The following GABRB1 variants were observed in gnomAD, a reference collection of about 807,000 sequenced individuals.
The protein encoded by GABRB1 is gamma-aminobutyric acid receptor subunit beta-1.
GABRB1 carries 17 observed loss-of-function variants against 51.6 expected under a neutral mutation model. The ratio of observed to expected loss-of-function variants is 0.33; its 90% CI spans 0.23 to 0.49. GABRB1 has a LOEUF of 0.49. GABRB1 is among the 20% of genes least tolerant of loss of function. The pLI, the probability that GABRB1 is intolerant of heterozygous loss-of-function variation, is 0.99. For missense variants in GABRB1, 410 were observed against 600.6 expected (o/e 0.68, Z 3.32); for synonymous variants, 247 against 218.9 (o/e 1.13, Z -1.14).
chr4:47,368,018 C>T (rs1054596713), intron 5 of GABRB1, among the ~76,000 whole-genome samples: 2 of 152,158 alleles, frequency 1.3e-5, no homozygotes, highest in African/African-American at 4.8e-5. Context: ...ATAACTAGAA[C>T]CCTAAAGATG....
At chr4:47,211,843 T>C (rs1347723225) in intron 4 of GABRB1, among the ~76,000 whole-genome samples, 6 of 152,182 alleles carry the variant, frequency 3.9e-5, no homozygotes, top group Non-Finnish European at 8.8e-5. Flanking sequence ...ATCATATCAC[T>C]TTTTCTCACC....
chr4:47,031,043 A>T (rs192466429), upstream of GABRB1, among the ~76,000 whole-genome samples: 49 of 152,230 alleles, frequency 3.2e-4, no homozygotes, highest in African/African-American at 9.9e-4. Flanking sequence ...ATGCCTCCCA[A>T]GGGCACCTAA....
At chr4:47,282,065 T>A (rs1479611342) in intron 4 of GABRB1, among the ~76,000 whole-genome samples, 1 of 152,134 alleles carries the variant, frequency 6.6e-6, no homozygotes, top group Non-Finnish European at 1.5e-5. Flanking sequence ...AAAAGATGAA[T>A]TGTTAAAATG....
At chr4:47,069,473 T>C (rs1242391874) in intron 3 of GABRB1, among the ~76,000 whole-genome samples, 1 of 152,244 alleles carries the variant, frequency 6.6e-6, no homozygotes, top group Non-Finnish European at 1.5e-5. Context: ...TTCTGTTACA[T>C]CACTTAAAGT....
rs147776109 is a variant in GABRB1 at position 47,005,214 on chromosome 4, C to A, written c.-20+11288C>A. ...CGGGTGGATCACGAGGTCAGGAAAT[C>A]GAGACCATCCTGGCTAACACGGTGA... On this transcript the variant is annotated intron_variant, in intron 1 of 3. Coordinates refer to the GABRB1 transcript ENST00000513567. Among the ~76,000 whole-genome samples the A allele has an allele frequency of 9.2e-3, 1,395 of 152,258 alleles. 18 individuals are homozygous for A. The highest frequency in any genetic ancestry group is 0.031 in the African/African-American group (1,295 of 41,536).
intron 4 of GABRB1, among the ~76,000 whole-genome samples, chr4:47,257,533 C>G (rs993086839): frequency 6.6e-6 from 1 of 151,940 alleles, no homozygotes; most frequent in African/African-American, 2.4e-5. Flanking sequence ...GCTCCTAGAG[C>G]CTGCTGTGTG....
chr4:47,398,884 G>A (rs1198133393), intron 5 of GABRB1, among the ~76,000 whole-genome samples: 9 of 150,480 alleles, frequency 6.0e-5, no homozygotes, highest in Non-Finnish European at 1.0e-4. Flanking sequence ...TCCGCCTCCC[G>A]GGTTCACGCC....
chr4:47,225,661 T>C (rs762119752), intron 4 of GABRB1, among the ~76,000 whole-genome samples: 1 of 152,156 alleles, frequency 6.6e-6, no homozygotes, highest in Non-Finnish European at 1.5e-5. Flanking sequence ...AAACACAGTA[T>C]AAGTGAAGTG....
chr4:47,336,148 G>A (rs1035499945), intron 5 of GABRB1, among the ~76,000 whole-genome samples: 37 of 152,286 alleles, frequency 2.4e-4, no homozygotes, highest in African/African-American at 8.9e-4. Context: ...TCATCAATTA[G>A]ACATTTAAGT....
chr4:47,082,479 A>T (rs992653536), intron 3 of GABRB1, among the ~76,000 whole-genome samples: 1 of 152,102 alleles, frequency 6.6e-6, no homozygotes. Context: ...GTATTGAAGT[A>T]TATTTTAAAA....
chr4:47,362,810 T>C (rs1046839474), intron 5 of GABRB1, among the ~76,000 whole-genome samples: 2 of 152,178 alleles, frequency 1.3e-5, no homozygotes, highest in Admixed American at 6.6e-5. Context: ...ACACACTGCA[T>C]ATCAGCTATT....
At chr4:47,345,236 C>T (rs1726047694) in intron 5 of GABRB1, among the ~76,000 whole-genome samples, 1 of 152,152 alleles carries the variant, frequency 6.6e-6, no homozygotes, top group African/African-American at 2.4e-5. Flanking sequence ...TACTTATAGG[C>T]TGGGTGGGCC....
At chr4:47,326,729 C>G (rs1238999733) in intron 5 of GABRB1, among the ~76,000 whole-genome samples, 4 of 152,128 alleles carry the variant, frequency 2.6e-5, no homozygotes, top group African/African-American at 9.7e-5. Context: ...TGAGCCCTCA[C>G]CAGACACTAA....
intron 1 of GABRB1, among the ~76,000 whole-genome samples, chr4:47,006,230 T>G (rs1005401971): frequency 6.6e-6 from 1 of 152,110 alleles, no homozygotes; most frequent in African/African-American, 2.4e-5. Flanking sequence ...TTTCAAAAAT[T>G]TCATAAGTCT....
chr4:47,000,789 G>A (rs1248628521), intron 1 of GABRB1, among the ~76,000 whole-genome samples: 3 of 152,184 alleles, frequency 2.0e-5, no homozygotes, highest in African/African-American at 4.8e-5. Context: ...TTATATGCCG[G>A]CTGGTTTTCC....
At chr4:47,260,184 T>A (rs1378366478) in intron 4 of GABRB1, among the ~76,000 whole-genome samples, 1 of 152,130 alleles carries the variant, frequency 6.6e-6, no homozygotes. Context: ...CCTTGGTAGA[T>A]CTTCCTCCAT....
intron 4 of GABRB1, among the ~76,000 whole-genome samples, chr4:47,199,976 G>A (rs573689059): frequency 1.2e-4 from 18 of 152,252 alleles, no homozygotes; most frequent in Admixed American, 8.5e-4. Context: ...ATGTACATAT[G>A]GGATAGGCAG....
chr4:47,401,996 A>C (rs754618508), intron 5 of GABRB1, among the ~76,000 whole-genome samples: 1 of 152,206 alleles, frequency 6.6e-6, no homozygotes, highest in Non-Finnish European at 1.5e-5. Flanking sequence ...CCAATATGCC[A>C]ATTAGTCCCA....
At chr4:47,311,462 T>G (rs1724679050) in intron 4 of GABRB1, among the ~76,000 whole-genome samples, 1 of 137,204 alleles carries the variant, frequency 7.3e-6, no homozygotes, top group African/African-American at 2.8e-5. Context: ...AATATCTTAG[T>G]GGGCCCAATG....
Sources: allele counts gnomAD v4.1 joint callset (sites outside exome capture counted in the v4.1 genomes callset), GRCh38; gene constraint gnomAD v4.1.1; transcripts MANE v1.5; gene names NCBI Gene and HGNC (gene_info 2026-07-23, HGNC 2026-07-21).